Variants in SRRM4 observed in about 807,000 individuals in gnomAD.
SRRM4 encodes serine/arginine repetitive matrix 4.
Under a neutral mutation model 68.9 loss-of-function variants are expected in SRRM4, and 33 were observed. The observed-to-expected ratio is 0.48, with a 90% CI of 0.36 to 0.64. SRRM4 has a LOEUF of 0.64. Among genes scored for constraint, SRRM4 ranks in the 30% least tolerant of loss-of-function variants. SRRM4 has a pLI of 0.00. For missense variants in SRRM4, 817 were observed against 827.1 expected, an observed-to-expected ratio of 0.99 and a Z score of 0.15; for synonymous variants, 318 against 318.8, an observed-to-expected ratio of 1.00 and a Z score of 0.03.
At chr12:119,092,287 T>C (rs974980056) in intron 1 of SRRM4, among the ~76,000 whole-genome samples, 4 of 152,182 alleles carry the variant, frequency 2.6e-5, no homozygotes, top group Non-Finnish European at 4.4e-5. Flanking sequence ...ACTGTCCAAA[T>C]GCTATCATCT....
chr12:119,105,119 T>C (rs1954099044), intron 2 of SRRM4, among the ~76,000 whole-genome samples: 1 of 152,004 alleles, frequency 6.6e-6, no homozygotes, highest in Non-Finnish European at 1.5e-5. Flanking sequence ...GGTTTCCAGC[T>C]TCATCCATGT....
At chr12:119,153,820 A>G (rs561823382) in intron 11 of SRRM4, among the ~76,000 whole-genome samples, 171 bp downstream of exon 11, 182 of 152,108 alleles carry the variant, frequency 1.2e-3, no homozygotes, top group African/African-American at 4.2e-3. Flanking sequence ...CGAGGCATCA[A>G]ATACCCTTGT....
chr12:119,086,605 C>A (rs1309801731), intron 1 of SRRM4, among the ~76,000 whole-genome samples: 1 of 152,220 alleles, frequency 6.6e-6, no homozygotes, highest in Non-Finnish European at 1.5e-5. Context: ...GAGGCAAGTG[C>A]AGTCTGGGCT....
chr12:118,983,914 C>G (rs1953265597), intron 1 of SRRM4, among the ~76,000 whole-genome samples: 2 of 152,160 alleles, frequency 1.3e-5, no homozygotes, highest in Non-Finnish European at 2.9e-5. Flanking sequence ...CCTCTGCAAC[C>G]AGTATCATTT....
At chr12:119,054,939 T>C (rs1025646884) in intron 1 of SRRM4, among the ~76,000 whole-genome samples, 3 of 152,092 alleles carry the variant, frequency 2.0e-5, no homozygotes, top group African/African-American at 7.2e-5. Flanking sequence ...CTTTGATAGG[T>C]GCTCATCTCT....
chr12:119,028,853 G>A (rs139450362), intron 1 of SRRM4, among the ~76,000 whole-genome samples: 1 of 152,196 alleles, frequency 6.6e-6, no homozygotes, highest in African/African-American at 2.4e-5. Flanking sequence ...GTGATCCCAG[G>A]CTATAGGCAA....
At chr12:119,060,275 G>C (rs530188491) in intron 1 of SRRM4, among the ~76,000 whole-genome samples, 1 of 151,562 alleles carries the variant, frequency 6.6e-6, no homozygotes, top group Admixed American at 6.6e-5. Context: ...CACTTCGGTG[G>C]ACAGATGAAC....
rs947142320 is a variant in SRRM4, at chr12:119,151,188, C to T, written c.1248C>T (p.Tyr416=). The T allele has an allele frequency of 2.4e-5, 39 of 1,613,902 alleles. No homozygotes were observed. Among genetic ancestry groups the T allele is most frequent in the Non-Finnish European group, 3.1e-5 (36 of 1,179,886 alleles). ...RSPNPRASPR[Y]TQSRSTSSEK... is the part of the protein sequence containing the mutation. ...CAAATCCCAGGGCTTCCCCCAGGTACACCCAAAGCCGATCCACCTCTTCTG... is the reference window on the plus strand; with the variant it reads ...CAAATCCCAGGGCTTCCCCCAGGTATACCCAAAGCCGATCCACCTCTTCTG... The change falls in exon 10 of 13, where the codon TAC becomes TAT. Residue 416 remains tyrosine (Y), a synonymous_variant. Transcript: ENST00000267260.
chr12:119,075,723 T>G (rs1309467058), intron 1 of SRRM4, among the ~76,000 whole-genome samples: 1 of 151,510 alleles, frequency 6.6e-6, no homozygotes. Flanking sequence ...ATGTTGATGA[T>G]GGTGGTGATG....
At chr12:119,025,050 G>C (rs544425116) in intron 1 of SRRM4, among the ~76,000 whole-genome samples, 1 of 152,260 alleles carries the variant, frequency 6.6e-6, no homozygotes, top group African/African-American at 2.4e-5. Context: ...TGGGTGCTTT[G>C]ATGGAGGTTG....
chr12:119,000,734 C>T (rs971050346), intron 1 of SRRM4: 3 of 151,938 alleles, frequency 2.0e-5, no homozygotes, highest in African/African-American at 7.3e-5. Flanking sequence ...CGAGTTTTCT[C>T]AAGAAACAGC....
At chr12:118,997,456 A>ATC (rs150545250) in intron 1 of SRRM4, among the ~76,000 whole-genome samples, 15 of 150,826 alleles carry the variant, frequency 9.9e-5, no homozygotes, top group East Asian at 7.8e-4. Flanking sequence ...GGTCTTAGGG[A>ATC]TCTCTCTCTC....
intron 1 of SRRM4, among the ~76,000 whole-genome samples, chr12:119,043,425 G>A (rs959929730): frequency 6.6e-6 from 1 of 152,136 alleles, no homozygotes; most frequent in African/African-American, 2.4e-5. Flanking sequence ...CATCAGGATA[G>A]CTAATGCATG....
intron 7 of SRRM4, among the ~76,000 whole-genome samples, chr12:119,126,989 C>T (rs1954265077): frequency 6.8e-6 from 1 of 146,820 alleles, no homozygotes; most frequent in South Asian, 2.3e-4. Context: ...TATTCTCACT[C>T]ATAGGTGGGA....
At chr12:118,993,625 T>G (rs1953331184) in intron 1 of SRRM4, among the ~76,000 whole-genome samples, 2 of 152,110 alleles carry the variant, frequency 1.3e-5, no homozygotes, top group African/African-American at 4.8e-5. Context: ...TGGGTCCTGG[T>G]TATAAATGGC....
intron 1 of SRRM4, among the ~76,000 whole-genome samples, chr12:119,007,250 T>C (rs770135889): frequency 9.9e-5 from 15 of 152,218 alleles, no homozygotes; most frequent in Non-Finnish European, 2.1e-4. Context: ...CTGGGCAAGA[T>C]TGAGGAGAGA....
intron 7 of SRRM4, among the ~76,000 whole-genome samples, chr12:119,128,211 G>A (rs1954272985): frequency 6.6e-6 from 1 of 152,148 alleles, no homozygotes; most frequent in East Asian, 1.9e-4. Context: ...AGCCCCCTCT[G>A]TAATCAAGTC....
chr12:119,137,580 T>G, intron 8 of SRRM4, among the ~76,000 whole-genome samples: 16 of 112,730 alleles, frequency 1.4e-4, no homozygotes, highest in African/African-American at 2.7e-4. Flanking sequence ...GAGGCGAGGT[T>G]TGGAGTGGAG....
chr12:119,105,569 C>T (rs887819453), intron 2 of SRRM4, among the ~76,000 whole-genome samples: 5 of 151,988 alleles, frequency 3.3e-5, no homozygotes, highest in African/African-American at 1.2e-4. Context: ...TCTGATGGCC[C>T]GTGATGATGA....
Sources: allele counts gnomAD v4.1 joint callset (sites outside exome capture counted in the v4.1 genomes callset), GRCh38; gene constraint gnomAD v4.1.1; transcripts MANE v1.5; gene names NCBI Gene and HGNC (gene_info 2026-07-23, HGNC 2026-07-21).